NWD2: variants seen among roughly 807,000 people sequenced by gnomAD.
NWD2 encodes NACHT and WD repeat domain-containing protein 2.
In NWD2, 37 loss-of-function variants were observed where a neutral mutation model predicts 132.7. The ratio of observed to expected loss-of-function variants is 0.28; its 90% CI spans 0.21 to 0.37. The LOEUF (loss-of-function observed/expected upper bound fraction) is 0.37, where lower values mean the gene tolerates loss of function less well. NWD2 is among the 10% of genes least tolerant of loss of function. NWD2 has a pLI of 1.00. For synonymous variants in NWD2, 705 were observed against 803.0 expected (o/e 0.88, Z 2.06); for missense variants, 1,592 against 2,122.4 (o/e 0.75, Z 4.91).
chr4:37,417,580 T>G (rs1481359731), intron 3 of NWD2, among the ~76,000 whole-genome samples: 1 of 152,152 alleles, frequency 6.6e-6, no homozygotes, highest in Non-Finnish European at 1.5e-5. Flanking sequence ...TTCCTTTACT[T>G]TAAAAAGATC....
At chr4:37,412,153 A>G (rs1022573727) in intron 3 of NWD2, among the ~76,000 whole-genome samples, 3 of 152,206 alleles carry the variant, frequency 2.0e-5, no homozygotes, top group Admixed American at 6.5e-5. Flanking sequence ...GGCAAGAGAA[A>G]GAAATAAAGG....
chr4:37,248,848 T>C (rs745963628), intron 1 of NWD2, among the ~76,000 whole-genome samples: 139 of 152,222 alleles, frequency 9.1e-4, no homozygotes, highest in Non-Finnish European at 3.8e-4. Flanking sequence ...CACAATCCAT[T>C]ATCTGTGATC....
chr4:37,322,601 G>T (rs796469751), intron 1 of NWD2, among the ~76,000 whole-genome samples: 14 of 152,266 alleles, frequency 9.2e-5, no homozygotes, highest in African/African-American at 3.4e-4. Context: ...GTGAAGAGCT[G>T]GTAGGGGTTT....
chr4:37,284,362 T>A (rs1356295527), intron 1 of NWD2, among the ~76,000 whole-genome samples: 1 of 152,172 alleles, frequency 6.6e-6, no homozygotes, highest in African/African-American at 2.4e-5. Flanking sequence ...GTGAGAGTAA[T>A]TGAACATATG....
chr4:37,298,717 G>C (rs1048606685), intron 1 of NWD2, among the ~76,000 whole-genome samples: 25 of 152,134 alleles, frequency 1.6e-4, no homozygotes, highest in African/African-American at 5.8e-4. Flanking sequence ...ATCAATGAAA[G>C]TTCGAGGAGC....
intron 1 of NWD2, among the ~76,000 whole-genome samples, chr4:37,319,666 G>A (rs1719029494): frequency 6.6e-6 from 1 of 152,066 alleles, no homozygotes; most frequent in Admixed American, 6.6e-5. Flanking sequence ...GAAAGATAGG[G>A]GTACAGTTTC....
In NWD2 at chr4:37,443,986, C is replaced by T. The variant is rs1186402810; in HGVS notation, c.1998C>T (p.Thr666=). 1 of 1,552,302 alleles carries T rather than the reference C, an allele frequency of 6.4e-7. No individual in the cohort carries two copies. Among genetic ancestry groups the T allele is most frequent in the Admixed American group, 2.0e-5 (1 of 51,014 alleles). ...TCTCTAGGGCTCTTGGTTACATCAC[C>T]ATGGCCAAAATGGGTCTGAGTGAAA... ...KLVSRALGYI[T]MAKMGLSEME... is the part of the protein sequence containing the mutation. The change falls in exon 7 of 7, where the codon ACC becomes ACT. Residue 666 remains threonine (T), a synonymous_variant. Coordinates refer to ENST00000309447, the MANE Select transcript of NWD2 (RefSeq NM_001144990.2). This position sits in a 1 kb window ranked among gnomAD's most constrained non-coding sequence, Gnocchi z 4.1.
At chr4:37,309,558 G>A (rs141159741) in intron 1 of NWD2, among the ~76,000 whole-genome samples, 220 of 152,244 alleles carry the variant, frequency 1.4e-3, no homozygotes, top group African/African-American at 5.1e-3. Flanking sequence ...TTCTCAAAAT[G>A]GCACCATAAT....
intron 3 of NWD2, among the ~76,000 whole-genome samples, chr4:37,369,423 C>G (rs1173937330): frequency 4.6e-5 from 7 of 152,098 alleles, no homozygotes. Context: ...CCCCACTTCC[C>G]TGTCTCTATG....
intron 1 of NWD2, among the ~76,000 whole-genome samples, chr4:37,321,032 C>G (rs572749003): frequency 6.6e-6 from 1 of 152,152 alleles, no homozygotes; most frequent in South Asian, 2.1e-4. Flanking sequence ...TGGCACACAC[C>G]TGTAATCCCA....
intron 2 of NWD2, among the ~76,000 whole-genome samples, chr4:37,333,464 G>T (rs1301610102): frequency 6.6e-6 from 1 of 152,170 alleles, no homozygotes; most frequent in East Asian, 1.9e-4. Context: ...AATTCTTCTA[G>T]ATCTTATCCA....
At chr4:37,380,319 T>G (rs1040882813) in intron 3 of NWD2, among the ~76,000 whole-genome samples, 7 of 152,216 alleles carry the variant, frequency 4.6e-5, no homozygotes, top group African/African-American at 1.7e-4. Flanking sequence ...CAGTAGACAG[T>G]CAATAAATGG....
intron 3 of NWD2, among the ~76,000 whole-genome samples, chr4:37,405,264 A>C (rs1720974273): frequency 6.6e-6 from 1 of 152,134 alleles, no homozygotes; most frequent in Non-Finnish European, 1.5e-5. Flanking sequence ...AAATTATAAG[A>C]ATGAAGCAAT....
At chr4:37,267,118 A>C (rs1717768614) in intron 1 of NWD2, among the ~76,000 whole-genome samples, 1 of 151,986 alleles carries the variant, frequency 6.6e-6, no homozygotes, top group Admixed American at 6.6e-5. Flanking sequence ...GAGAAACAGA[A>C]AACTAGTCTA....
At position 37,444,096 on chromosome 4, in the gene NWD2, T is replaced by C; in HGVS notation, c.2108T>C (p.Val703Ala). ...ACCAGACCCAGCAATCCCCTGAGAG[T>C]ACCTTACTTGTACATTGCAAGGCTC... Reference protein sequence around the residue: ...ENTRPSNPLRVPYLYIARLKE... With the variant: ...ENTRPSNPLRAPYLYIARLKE... The change falls in exon 7 of 7, where the codon GTA becomes GCA. Residue 703 changes from valine to alanine, a missense_variant. Physicochemically the swap from Val to Ala is moderately conservative, Grantham distance 64. Coordinates refer to ENST00000309447, the MANE Select transcript of NWD2 (RefSeq NM_001144990.2). The surrounding 1 kb of genome is among the most constrained non-coding windows in gnomAD (Gnocchi z 4.8). 1.3e-6 allele frequency: 2 copies of C among 1,551,518 alleles called. No homozygotes were observed. Among genetic ancestry groups the C allele is most frequent in the Non-Finnish European group, 1.7e-6 (2 of 1,146,946 alleles).
intron 1 of NWD2, among the ~76,000 whole-genome samples, chr4:37,262,694 T>C (rs769321433): frequency 6.6e-6 from 1 of 152,066 alleles, no homozygotes; most frequent in Non-Finnish European, 1.5e-5. Flanking sequence ...TGAGAGACAT[T>C]GTATTGGATC....
intron 1 of NWD2, among the ~76,000 whole-genome samples, chr4:37,316,671 T>C (rs540578166): frequency 1.3e-5 from 2 of 152,182 alleles, no homozygotes; most frequent in Non-Finnish European, 2.9e-5. Flanking sequence ...CCTTATTGTT[T>C]AAACATTGTT....
At chr4:37,321,319 A>G (rs1292763147) in intron 1 of NWD2, among the ~76,000 whole-genome samples, 1 of 152,224 alleles carries the variant, frequency 6.6e-6, no homozygotes, top group Admixed American at 6.5e-5. Flanking sequence ...TCAAGATATT[A>G]TAAGGATAAT....
rs74690141 is a variant in NWD2 at position 37,247,627 on chromosome 4, G to C, written c.151+2409G>C. On this transcript the variant is annotated intron_variant, in intron 1 of 6. Coordinates refer to ENST00000309447, the MANE Select transcript of NWD2 (RefSeq NM_001144990.2). ...GAATGAATAGAATTTTTTTTTTTTT[G>C]AGACAGAGTCTCGCTCTTGTCACCC... Among the ~76,000 whole-genome samples the C allele has an allele frequency of 2.1e-5, 3 of 144,566 alleles. No homozygotes were observed. In the South Asian group the frequency reaches 6.6e-4, roughly 32 times the overall value. 94.8% of individuals were successfully genotyped at this position (144,566 alleles called of 152,430 possible).
Sources: gnomAD v4.1 joint callset for allele counts (sites outside exome capture counted in the v4.1 genomes callset) on GRCh38, gnomAD v4.1.1 for gene constraint, Gnocchi (gnomAD v3.1) non-coding constraint, MANE v1.5 for transcripts, NCBI Gene and HGNC (gene_info 2026-07-23, HGNC 2026-07-21) for gene names.